Variants in KCTD16 observed in about 807,000 individuals in gnomAD.
KCTD16 encodes BTB/POZ domain-containing protein KCTD16.
In KCTD16, 13 loss-of-function variants were observed where a neutral mutation model predicts 33.2. The ratio of observed to expected loss-of-function variants is 0.39; its 90% CI spans 0.25 to 0.62. The LOEUF is 0.62. Among genes scored for constraint, KCTD16 ranks in the 20% least tolerant of loss-of-function variants. KCTD16 has a pLI of 0.50. For missense variants in KCTD16, 441 were observed against 525.1 expected, an observed-to-expected ratio of 0.84 and a Z score of 1.57; for synonymous variants, 197 against 195.3, an observed-to-expected ratio of 1.01 and a Z score of -0.07.
intron 3 of KCTD16, among the ~76,000 whole-genome samples, chr5:144,303,573 G>A (rs1751504184): frequency 1.3e-5 from 2 of 152,144 alleles, no homozygotes; most frequent in South Asian, 4.1e-4. Context: ...TTATCTCAGA[G>A]TGACCTGCAC....
intron 3 of KCTD16, among the ~76,000 whole-genome samples, chr5:144,370,705 G>A (rs1221043754): frequency 6.6e-6 from 1 of 152,138 alleles, no homozygotes; most frequent in African/African-American, 2.4e-5. Flanking sequence ...TTATTTGTGG[G>A]AATATAAATT....
intron 3 of KCTD16, among the ~76,000 whole-genome samples, chr5:144,314,745 C>T (rs559100488): frequency 6.6e-6 from 1 of 152,228 alleles, no homozygotes; most frequent in East Asian, 1.9e-4. Context: ...ACTTATCCAC[C>T]GAACTGCTCT....
chr5:144,214,904 G>A (rs993173833), intron 3 of KCTD16, among the ~76,000 whole-genome samples: 2 of 152,092 alleles, frequency 1.3e-5, no homozygotes, highest in Non-Finnish European at 2.9e-5. Flanking sequence ...TTCAGTGCCT[G>A]GAACAAATGT....
chr5:144,280,887 C>T (rs1401548836), intron 3 of KCTD16, among the ~76,000 whole-genome samples: 2 of 142,896 alleles, frequency 1.4e-5, no homozygotes, highest in Non-Finnish European at 3.0e-5. Context: ...CCGGTCTCTA[C>T]TAAACAAAAT....
intron 3 of KCTD16, among the ~76,000 whole-genome samples, chr5:144,300,913 G>A (rs1751416321): frequency 6.6e-6 from 1 of 152,100 alleles, no homozygotes; most frequent in Admixed American, 6.6e-5. Flanking sequence ...AGGATGAAAA[G>A]GATGGGAGAA....
chr5:144,298,562 G>C (rs1756113253), intron 3 of KCTD16, among the ~76,000 whole-genome samples: 1 of 152,118 alleles, frequency 6.6e-6, no homozygotes, highest in Admixed American at 6.5e-5. Flanking sequence ...GCTTAGTACT[G>C]TGCCTGTAAG....
At chr5:144,241,853 G>A (rs780429176) in intron 3 of KCTD16, among the ~76,000 whole-genome samples, 1 of 152,138 alleles carries the variant, frequency 6.6e-6, no homozygotes, top group Non-Finnish European at 1.5e-5. Flanking sequence ...AAATCCCTGT[G>A]TTTCATGAAA....
chr5:144,287,044 G>A (rs1205658638), intron 3 of KCTD16, among the ~76,000 whole-genome samples: 2 of 152,180 alleles, frequency 1.3e-5, no homozygotes, highest in African/African-American at 4.8e-5. Flanking sequence ...ATTTTGTTAG[G>A]GGAAATGCCT....
intron 3 of KCTD16, among the ~76,000 whole-genome samples, chr5:144,395,893 C>T (rs1165531428): frequency 3.9e-5 from 6 of 152,300 alleles, no homozygotes; most frequent in East Asian, 1.9e-4. Flanking sequence ...GCCCATGGGC[C>T]GACTCTGGTC....
At chr5:144,345,748 T>A (rs244530) in intron 3 of KCTD16, among the ~76,000 whole-genome samples, 50,838 of 151,870 alleles carry the variant, frequency 0.33, 9,197 homozygotes, top group African/African-American at 0.47. Context: ...GTATCTATTT[T>A]TGGGGTACAT....
chr5:144,262,673 C>A (rs1319459935), intron 3 of KCTD16, among the ~76,000 whole-genome samples: 8 of 152,166 alleles, frequency 5.3e-5, no homozygotes, highest in Non-Finnish European at 7.3e-5. Context: ...AAGAGAAAGA[C>A]CTTCCTACTT....
At chr5:144,282,705 T>C (rs376907028) in intron 3 of KCTD16, among the ~76,000 whole-genome samples, 38 of 152,294 alleles carry the variant, frequency 2.5e-4, no homozygotes, top group African/African-American at 8.4e-4. Context: ...TCTTATCTGG[T>C]CATTTTCCTC....
intron 3 of KCTD16, among the ~76,000 whole-genome samples, chr5:144,235,231 C>G (rs1754217028): frequency 6.6e-6 from 1 of 152,124 alleles, no homozygotes; most frequent in Non-Finnish European, 1.5e-5. Context: ...ACAATCCAAT[C>G]CTTTAGAGAT....
chr5:144,299,068 A>ATTTT (rs1208107028), intron 3 of KCTD16, among the ~76,000 whole-genome samples: 7 of 79,498 alleles, frequency 8.8e-5, no homozygotes, highest in Non-Finnish European at 1.2e-4. Flanking sequence ...ATATATATAT[A>ATTTT]TATATTTTTG....
chr5:144,342,563 C>T (rs1045401743), intron 3 of KCTD16, among the ~76,000 whole-genome samples: 1 of 152,124 alleles, frequency 6.6e-6, no homozygotes, highest in African/African-American at 2.4e-5. Flanking sequence ...AACTGAATAC[C>T]CTTTATTTCC....
At chr5:144,324,728 T>A (rs1487031055) in intron 3 of KCTD16, among the ~76,000 whole-genome samples, 2 of 152,200 alleles carry the variant, frequency 1.3e-5, no homozygotes, top group Non-Finnish European at 2.9e-5. Context: ...ATATACATCA[T>A]GGAATACTAT....
At chr5:144,249,833 C>G (rs1754647228) in intron 3 of KCTD16, among the ~76,000 whole-genome samples, 1 of 152,140 alleles carries the variant, frequency 6.6e-6, no homozygotes, top group African/African-American at 2.4e-5. Flanking sequence ...GAACCTATGT[C>G]TCATGACTTT....
chr5:144,479,429 T>C lies in KCTD16; in HGVS notation c.*5315T>C, dbSNP rs1338761366. On this transcript the variant is annotated 3_prime_UTR_variant, in exon 4 of 4. Coordinates refer to ENST00000512467, the MANE Select transcript of KCTD16 (RefSeq NM_020768.4). The stretch of plus-strand genomic sequence containing the variant: ...AAGAGTGAATTCAAAAGGGTTTCAA[T>C]GATCCAATTGACCCTATTCATTTAA... 6.7e-6 allele frequency: 1 copy of C among 149,736 alleles called. No individual in the cohort carries two copies. The highest frequency in any genetic ancestry group is 1.5e-5 in the Non-Finnish European group (1 of 67,426). The allele number at this position is 149,736 out of a possible 1,614,324, so 9.3% of individuals were successfully genotyped here.
chr5:144,399,883 G>A (rs1371112357), intron 3 of KCTD16, among the ~76,000 whole-genome samples: 3 of 152,016 alleles, frequency 2.0e-5, no homozygotes, highest in Admixed American at 6.6e-5. Flanking sequence ...AGGAGTTTCC[G>A]GTGCTAGAAC....
Sources: allele counts gnomAD v4.1 joint callset (sites outside exome capture counted in the v4.1 genomes callset), GRCh38; gene constraint gnomAD v4.1.1; transcripts MANE v1.5; gene names NCBI Gene and HGNC (gene_info 2026-07-23, HGNC 2026-07-21).